ATP2B1: variants seen among roughly 807,000 people sequenced by gnomAD.
ATP2B1 encodes the protein ATPase plasma membrane Ca2+ transporting 1, also known as plasma membrane calcium-transporting ATPase 1.
In ATP2B1, 14 loss-of-function variants were observed where a neutral mutation model predicts 124.2. That is an observed-to-expected ratio of 0.11 (90% CI 0.07 to 0.18). The LOEUF is 0.18. ATP2B1 is among the 10% of genes least tolerant of loss of function. The pLI is 1.00. For synonymous variants in ATP2B1, 449 were observed against 492.4 expected (o/e 0.91, Z 1.17); for missense variants, 763 against 1,466.1 (o/e 0.52, Z 7.83).
Position 89,590,445 on chromosome 12 carries a change from G to C in ATP2B1, c.*539C>G, listed in dbSNP as rs1873351853. On this transcript the variant is annotated 3_prime_UTR_variant, in exon 21 of 21. Transcript: ENST00000428670. Reference sequence around the variant, plus strand: ...TTTTTTTTTTCCTGAAAATACAGCAGTATTTGAAGGACTAATTTTTCTCTG... The same window carrying C: ...TTTTTTTTTTCCTGAAAATACAGCACTATTTGAAGGACTAATTTTTCTCTG... 1 of 148,808 alleles carries C rather than the reference G, an allele frequency of 6.7e-6. No homozygotes were observed. The highest frequency in any genetic ancestry group is 2.1e-4 in the South Asian group (1 of 4,720). 9.2% of individuals were successfully genotyped at this position (148,808 alleles called of 1,614,324 possible). A position where few individuals can be genotyped will look rare whatever the true frequency, so the allele number is the denominator to read the frequency against.
chr12:89,690,849 C>T (rs966955652), intron 1 of ATP2B1, among the ~76,000 whole-genome samples: 1 of 152,076 alleles, frequency 6.6e-6, no homozygotes, highest in Non-Finnish European at 1.5e-5. Context: ...AATATTCCCA[C>T]AACCTAAGGA....
chr12:89,677,013 ACACCAC>A (rs909097265), intron 1 of ATP2B1, among the ~76,000 whole-genome samples: 118 of 146,612 alleles, frequency 8.0e-4, no homozygotes, highest in African/African-American at 2.9e-3. Context: ...TCAAAAATAA[ACACCAC>A]CACCACCACC....
chr12:89,688,630 G>A (rs1222484905), intron 1 of ATP2B1, among the ~76,000 whole-genome samples: 2 of 152,022 alleles, frequency 1.3e-5, no homozygotes, highest in African/African-American at 4.8e-5. Context: ...CAAATTCTTT[G>A]TTGAATGAAT....
intron 1 of ATP2B1, among the ~76,000 whole-genome samples, chr12:89,691,180 GA>G (rs575362891): frequency 2.0e-5 from 3 of 150,480 alleles, no homozygotes; most frequent in Admixed American, 6.6e-5. Flanking sequence ...TGTCTACAGG[GA>G]AAAAAAAATC....
Position 89,589,070 on chromosome 12 carries a change from A to G in ATP2B1, c.*1914T>C, listed in dbSNP as rs1258154390. The stretch of plus-strand genomic sequence containing the variant: ...TCTTTTTTACAGTATGATTCACTAT[A>G]AATACCTGATGAATAAATGTACAAT... On this transcript the variant is annotated 3_prime_UTR_variant, in exon 21 of 21. Transcript: ENST00000428670. The G allele has an allele frequency of 1.3e-5, 2 of 152,606 alleles. No individual in the cohort carries two copies. The highest frequency in any genetic ancestry group is 2.9e-5 in the Non-Finnish European group (2 of 68,026). The allele number at this position is 152,606 out of a possible 1,614,324, so 9.5% of individuals were successfully genotyped here. A position where few individuals can be genotyped will look rare whatever the true frequency, so the allele number is the denominator to read the frequency against.
At chr12:89,662,917 A>G (rs1886875621) in intron 1 of ATP2B1, among the ~76,000 whole-genome samples, 1 of 152,152 alleles carries the variant, frequency 6.6e-6, no homozygotes, top group Non-Finnish European at 1.5e-5. Context: ...AAACAACTAG[A>G]TTAGAATAAG....
At chr12:89,704,664 C>T (rs1892246981) in intron 1 of ATP2B1, among the ~76,000 whole-genome samples, 1 of 152,078 alleles carries the variant, frequency 6.6e-6, no homozygotes, top group African/African-American at 2.4e-5. Context: ...GCCTTACTCA[C>T]CACACAGGAT....
intron 1 of ATP2B1, among the ~76,000 whole-genome samples, chr12:89,661,693 T>C (rs540308362): frequency 6.6e-6 from 1 of 152,336 alleles, no homozygotes; most frequent in Admixed American, 6.5e-5. Flanking sequence ...AATTTTTGAC[T>C]ACGGGCTTTC....
intron 20 of ATP2B1, among the ~76,000 whole-genome samples, chr12:89,598,056 A>AAAG (rs1875026927): frequency 6.6e-6 from 1 of 150,556 alleles, no homozygotes; most frequent in Non-Finnish European, 1.5e-5. Context: ...AAAAAAAAAA[A>AAAG]AAAAAAATCA....
chr12:89,623,243 T>C (rs1241132691), intron 9 of ATP2B1, among the ~76,000 whole-genome samples: 3 of 152,078 alleles, frequency 2.0e-5, no homozygotes, highest in African/African-American at 7.2e-5. Flanking sequence ...TAAAGAGAAC[T>C]AGTAATTAAC....
Position 89,603,446 on chromosome 12 carries a change from T to C in ATP2B1, c.2849-192A>G, listed in dbSNP as rs949316398. On this transcript the variant is annotated intron_variant, in intron 17 of 20. Transcript: ENST00000428670. This position sits in a 1 kb window ranked among gnomAD's most constrained non-coding sequence, Gnocchi z 4.3. ...AAGGAAACAGAAGCTCCCAAAACTATGGTGATAATCTCAGGATCACATATC... is the reference window on the plus strand; with the variant it reads ...AAGGAAACAGAAGCTCCCAAAACTACGGTGATAATCTCAGGATCACATATC... 34 of 642,620 alleles carry C rather than the reference T, an allele frequency of 5.3e-5. No homozygotes were observed. The highest frequency in any genetic ancestry group is 8.4e-5 in the Non-Finnish European group (32 of 380,834). 39.8% of individuals were successfully genotyped at this position (642,620 alleles called of 1,614,324 possible).
At chr12:89,612,921 T>C (rs1878290256) in intron 12 of ATP2B1, among the ~76,000 whole-genome samples, 1 of 152,200 alleles carries the variant, frequency 6.6e-6, no homozygotes, top group Admixed American at 6.5e-5. Flanking sequence ...ACTGAACTGC[T>C]GAATTAAATA....
intron 15 of ATP2B1, among the ~76,000 whole-genome samples, chr12:89,609,050 T>G (rs879542665): frequency 1.1e-4 from 16 of 152,294 alleles, no homozygotes; most frequent in Admixed American, 9.8e-4. Context: ...ATTTCCATTT[T>G]AGCAGCAAAA....
intron 1 of ATP2B1, among the ~76,000 whole-genome samples, chr12:89,691,725 G>A (rs770544259): frequency 4.6e-5 from 7 of 152,052 alleles, no homozygotes; most frequent in Non-Finnish European, 8.8e-5. Context: ...CCATATTTCC[G>A]ACTCAAATAA....
intron 20 of ATP2B1, among the ~76,000 whole-genome samples, chr12:89,598,039 C>CAAAAAAAAAAAAAAAAAAA (rs10661138): frequency 1.3e-4 from 8 of 60,548 alleles, no homozygotes; most frequent in East Asian, 1.2e-3. Context: ...CACAACCAAG[C>CAAAAAAAAAAAAAAAAAAA]AAAAAAAAAA....
chr12:89,656,105 CAT>C lies in ATP2B1; in HGVS notation c.-221_-220del. Reference sequence around the variant, plus strand: ...CTCCATATCAATCATGAGATATACACATCTGTAAGAAGAAAATATTTAAAAGT... The same window carrying C: ...CTCCATATCAATCATGAGATATACACCTGTAAGAAGAAAATATTTAAAAGT... On this transcript the variant is annotated splice_region_variant and 5_prime_UTR_variant, in exon 2 of 21. The change abolishes an upstream ATG in the 5' untranslated region. Transcript: ENST00000428670. 1 of 450,618 alleles carries C rather than the reference CAT, an allele frequency of 2.2e-6. No individual in the cohort carries two copies. Among genetic ancestry groups the C allele is most frequent in the Non-Finnish European group, 3.9e-6 (1 of 255,726 alleles). The allele number at this position is 450,618 out of a possible 1,614,324, so 27.9% of individuals were successfully genotyped here.
intron 1 of ATP2B1, among the ~76,000 whole-genome samples, chr12:89,701,767 G>C (rs556945180): frequency 4.6e-5 from 7 of 151,908 alleles, no homozygotes; most frequent in Non-Finnish European, 7.4e-5. Flanking sequence ...AGGCAGCCTC[G>C]AACTCCTGGC....
chr12:89,617,368 T>A (rs1879142254), intron 11 of ATP2B1, among the ~76,000 whole-genome samples: 1 of 152,200 alleles, frequency 6.6e-6, no homozygotes, highest in African/African-American at 2.4e-5. Flanking sequence ...TTCACCATTT[T>A]GGTACAGAAT....
intron 1 of ATP2B1, among the ~76,000 whole-genome samples, chr12:89,659,718 C>G (rs1368621238): frequency 1.3e-5 from 2 of 151,856 alleles, no homozygotes; most frequent in African/African-American, 2.4e-5. Flanking sequence ...GTCAGGAGAT[C>G]AAGACCATTC....
Sources: allele counts gnomAD v4.1 joint callset (sites outside exome capture counted in the v4.1 genomes callset), GRCh38; gene constraint gnomAD v4.1.1; non-coding constraint Gnocchi (gnomAD v3.1); transcripts MANE v1.5; gene names NCBI Gene and HGNC (gene_info 2026-07-23, HGNC 2026-07-21).